SORCS2: variants seen among roughly 807,000 people sequenced by gnomAD.
SORCS2 encodes sortilin related VPS10 domain containing receptor 2.
A neutral mutation model predicts 141.6 loss-of-function variants in SORCS2; 100 were observed. The observed-to-expected ratio is 0.71, with a 90% confidence interval of 0.60 to 0.83. SORCS2 has a LOEUF of 0.83. Among genes scored for constraint, SORCS2 ranks in the 40% least tolerant of loss-of-function variants. The pLI, the probability that SORCS2 is intolerant of heterozygous loss-of-function variation, is 0.00. For missense variants in SORCS2, 1,646 were observed against 1,560.2 expected (o/e 1.05, Z -0.93); for synonymous variants, 789 against 676.9 (o/e 1.17, Z -2.57).
At chr4:7,284,148 C>T (rs1037509037) in intron 1 of SORCS2, among the ~76,000 whole-genome samples, 3 of 152,182 alleles carry the variant, frequency 2.0e-5, no homozygotes, top group African/African-American at 7.2e-5. Flanking sequence ...ACCGCGCCCC[C>T]TTCACTCAAG....
At chr4:7,250,042 G>C (rs1713385145) in intron 1 of SORCS2, among the ~76,000 whole-genome samples, 1 of 152,148 alleles carries the variant, frequency 6.6e-6, no homozygotes, top group Non-Finnish European at 1.5e-5. Context: ...AGGAGTTTGA[G>C]ACCAGTCTGG....
chr4:7,209,207 C>G (rs1393852500), intron 1 of SORCS2, among the ~76,000 whole-genome samples: 1 of 152,220 alleles, frequency 6.6e-6, no homozygotes, highest in East Asian at 1.9e-4. Context: ...CTCAGATGCC[C>G]CCTCCTCAGC....
chr4:7,526,490 G>A (rs987098417), intron 2 of SORCS2, among the ~76,000 whole-genome samples: 7 of 152,358 alleles, frequency 4.6e-5, no homozygotes, highest in East Asian at 3.9e-4. Context: ...TAAAAGGATC[G>A]GTGGTTGCCA....
chr4:7,324,213 G>T (rs960100670), intron 1 of SORCS2, among the ~76,000 whole-genome samples: 1 of 152,246 alleles, frequency 6.6e-6, no homozygotes, highest in African/African-American at 2.4e-5. Context: ...ATGGCTTTGG[G>T]TTTTGCTCTG....
intron 1 of SORCS2, among the ~76,000 whole-genome samples, chr4:7,339,190 C>T (rs1396690834): frequency 6.6e-6 from 1 of 152,208 alleles, no homozygotes; most frequent in African/African-American, 2.4e-5. Context: ...TGCCCTTTTT[C>T]TCACCCCTCC....
At chr4:7,694,579 G>A (rs144351601) in intron 11 of SORCS2, among the ~76,000 whole-genome samples, 44 of 152,350 alleles carry the variant, frequency 2.9e-4, no homozygotes, top group African/African-American at 9.6e-4. Context: ...CTCCCTGCCC[G>A]GCTCCGCCTG....
chr4:7,435,452 CT>C (rs1355350256), intron 2 of SORCS2, among the ~76,000 whole-genome samples: 2 of 152,266 alleles, frequency 1.3e-5, no homozygotes, highest in Non-Finnish European at 2.9e-5. Flanking sequence ...GGTTCTGCCC[CT>C]GGCTGTGCTG....
chr4:7,465,474 CAGGG>C (rs1427896740), intron 2 of SORCS2, among the ~76,000 whole-genome samples: 1 of 152,118 alleles, frequency 6.6e-6, no homozygotes, highest in East Asian at 1.9e-4. Flanking sequence ...TGCAAGGCGC[CAGGG>C]TGGGCACAGG....
chr4:7,657,596 GGTGA>G (rs774210698), intron 5 of SORCS2, among the ~76,000 whole-genome samples: 2 of 151,950 alleles, frequency 1.3e-5, no homozygotes, highest in African/African-American at 4.8e-5. Flanking sequence ...TGAATGAGCG[GGTGA>G]GTGAGTGGGT....
rs536730835 is a variant in SORCS2 at position 7,602,833 on chromosome 4, A to G, written c.649-35495A>G. ...GGCTGGGAGGTGGAGGTTGTAGCCA[A>G]CCGAGATCACGCCACTGCACTCCAG... On this transcript the variant is annotated intron_variant, in intron 3 of 26. Coordinates refer to ENST00000507866, the MANE Select transcript of SORCS2 (RefSeq NM_020777.3). 4.9e-4 allele frequency among the ~76,000 whole-genome samples: 74 copies of G among 152,278 alleles called. 1 individual carries two copies. In the South Asian group the frequency reaches 1.0e-2, roughly 20 times the overall value.
At chr4:7,551,771 C>T (rs1016950159) in intron 3 of SORCS2, among the ~76,000 whole-genome samples, 9 of 152,220 alleles carry the variant, frequency 5.9e-5, no homozygotes, top group Non-Finnish European at 1.2e-4. Context: ...AGCTCTTTAT[C>T]AGATGACTTT....
At chr4:7,520,151 G>C (rs11735062) in intron 2 of SORCS2, among the ~76,000 whole-genome samples, 54 of 152,176 alleles carry the variant, frequency 3.5e-4, no homozygotes, top group African/African-American at 1.2e-3. Context: ...ACAGTTGCAC[G>C]GCACCGCTGG....
At chr4:7,445,501 C>A (rs11721645) in intron 2 of SORCS2, among the ~76,000 whole-genome samples, 101,700 of 151,476 alleles carry the variant, frequency 0.67, 35,334 homozygotes, top group East Asian at 0.83. Flanking sequence ...GGAAGAAGGC[C>A]TGGGGCGCGG....
In SORCS2 at chr4:7,663,122, G is replaced by A. The variant is rs1722280221; in HGVS notation, c.953-1231G>A. Among the ~76,000 whole-genome samples, 1 of 151,992 alleles carries A rather than the reference G, an allele frequency of 6.6e-6. No individual in the cohort carries two copies. The highest frequency in any genetic ancestry group is 1.5e-5 in the Non-Finnish European group (1 of 68,004). ...AGTAAGTGAATGAGAGAATGAGTGA[G>A]TGGGTGAATAAGTGAGTGAGTAATT... On this transcript the variant is annotated intron_variant, in intron 6 of 26. Transcript: ENST00000507866. This position sits in a 1 kb window ranked among gnomAD's most constrained non-coding sequence, Gnocchi z 4.8.
chr4:7,635,503 T>C (rs1720183709), intron 3 of SORCS2, among the ~76,000 whole-genome samples: 1 of 152,212 alleles, frequency 6.6e-6, no homozygotes, highest in Non-Finnish European at 1.5e-5. Flanking sequence ...ATTGATAAAA[T>C]TATACCTATT....
chr4:7,696,306 T>C (rs1724704869), intron 11 of SORCS2, among the ~76,000 whole-genome samples: 1 of 152,168 alleles, frequency 6.6e-6, no homozygotes, highest in Non-Finnish European at 1.5e-5. Context: ...CCCCTGTCTC[T>C]GCCACAGCCA....
At chr4:7,558,824 G>T (rs562778460) in intron 3 of SORCS2, among the ~76,000 whole-genome samples, 12 of 152,246 alleles carry the variant, frequency 7.9e-5, no homozygotes, top group East Asian at 1.9e-4. Flanking sequence ...TCACCCTAGG[G>T]CCTCTAGTCC....
chr4:7,508,652 C>T (rs1234960807), intron 2 of SORCS2, among the ~76,000 whole-genome samples: 8 of 152,110 alleles, frequency 5.3e-5, no homozygotes, highest in Non-Finnish European at 1.2e-4. Flanking sequence ...ACTCTTTATA[C>T]TTATTTTTCT....
chr4:7,510,070 A>C (rs1317535786), intron 2 of SORCS2, among the ~76,000 whole-genome samples: 1 of 152,164 alleles, frequency 6.6e-6, no homozygotes, highest in Non-Finnish European at 1.5e-5. Context: ...TGCCATGTTT[A>C]TTTGCCTCGT....
Sources: gnomAD v4.1 joint callset for allele counts (sites outside exome capture counted in the v4.1 genomes callset) on GRCh38, gnomAD v4.1.1 for gene constraint, Gnocchi (gnomAD v3.1) non-coding constraint, MANE v1.5 for transcripts, NCBI Gene and HGNC (gene_info 2026-07-23, HGNC 2026-07-21) for gene names.